The following LMAN1L variants were observed in gnomAD, a reference collection of about 807,000 sequenced individuals.
The protein encoded by LMAN1L is lectin, mannose binding 1 like, also known as protein ERGIC-53-like.
In LMAN1L, 60 loss-of-function variants were observed where a neutral mutation model predicts 58.3. That is an observed-to-expected ratio of 1.03 (90% CI 0.84 to 1.27). The LOEUF (loss-of-function observed/expected upper bound fraction) is 1.27. Among genes scored for constraint, LMAN1L ranks in the 50% most tolerant of loss-of-function variants. The pLI is 0.00. For synonymous variants in LMAN1L, 280 were observed against 271.6 expected, an observed-to-expected ratio of 1.03 and a Z score of -0.31; for missense variants, 629 against 674.0, an observed-to-expected ratio of 0.93 and a Z score of 0.74.
chr15:74,817,633 G>A (rs16972853), intron 4 of LMAN1L, among the ~76,000 whole-genome samples: 3,385 of 152,342 alleles, frequency 0.022, 59 homozygotes, highest in East Asian at 0.069. Flanking sequence ...CAGGTCATCC[G>A]TCCTGAGTCA....
rs549239487 is a variant in LMAN1L, at chr15:74,824,894, G to C, written c.1451+416G>C. 9 of 164,056 alleles carry C rather than the reference G, an allele frequency of 5.5e-5. No individual in the cohort carries two copies. In the East Asian group the frequency reaches 1.6e-3, roughly 29 times the overall value. The allele number at this position is 164,056 out of a possible 1,614,324, so 10.2% of individuals were successfully genotyped here. A position where few individuals can be genotyped will look rare whatever the true frequency, so the allele number is the denominator to read the frequency against. On this transcript the variant is annotated intron_variant, in intron 13 of 13. Transcript: ENST00000309664. Reference sequence around the variant, plus strand: ...ATAGGTAAAGGCATAGAGGCAGAGGGAACAGCATGAGAAAAGGCAGGGAGG... The same window carrying C: ...ATAGGTAAAGGCATAGAGGCAGAGGCAACAGCATGAGAAAAGGCAGGGAGG...
chr15:74,818,449 C>A (rs915139817), intron 4 of LMAN1L, among the ~76,000 whole-genome samples: 4 of 152,160 alleles, frequency 2.6e-5, no homozygotes, highest in African/African-American at 9.7e-5. Flanking sequence ...AATCCCAGCA[C>A]TTTGGCAGCC....
At position 74,812,990 on chromosome 15, in the gene LMAN1L, T is replaced by C. The variant is rs2063872444; in HGVS notation, c.136T>C (p.Leu46=). The part of the protein sequence containing the change: ...KLSFKGPRLA[L]PGAGIPFWSH... ...CAGCTTCAAAGGCCCAAGGCTGGCATTGCCTGGGGCTGGAATACCCTTCTG... is the reference window on the plus strand; with the variant it reads ...CAGCTTCAAAGGCCCAAGGCTGGCACTGCCTGGGGCTGGAATACCCTTCTG... Residue 46 remains leucine, a synonymous_variant, in exon 1 of 14, where the codon TTG becomes CTG. Transcript: ENST00000309664. The C allele has an allele frequency of 6.2e-7, 1 of 1,613,876 alleles. No individual in the cohort carries two copies. Among genetic ancestry groups the C allele is most frequent in the Admixed American group, 1.7e-5 (1 of 59,990 alleles).
At chr15:74,818,914 G>A (rs1431379969) in intron 5 of LMAN1L, 97 bp downstream of exon 5, 5 of 1,156,392 alleles carry the variant, frequency 4.3e-6, no homozygotes, top group Admixed American at 2.4e-5. Context: ...GTGACACCAC[G>A]TGAGGTCCCT....
intron 10 of LMAN1L, among the ~76,000 whole-genome samples, 188 bp from the exon 11 acceptor site, chr15:74,822,454 G>A (rs1054180366): frequency 2.6e-5 from 4 of 152,200 alleles, no homozygotes; most frequent in Admixed American, 6.5e-5. Context: ...GGAGAGGGGC[G>A]TGAGTGGAGG....
At chr15:74,821,040 C>T (rs763328345) in intron 8 of LMAN1L, 35 bp from the exon 9 acceptor site, 20 of 1,536,460 alleles carry the variant, frequency 1.3e-5, no homozygotes, top group Non-Finnish European at 1.8e-5. Flanking sequence ...CCCACCATGG[C>T]TGGCTGCCCA....
At chr15:74,825,181 G>T in intron 13 of LMAN1L, 1 of 249,094 alleles carries the variant, frequency 4.0e-6, no homozygotes, top group Non-Finnish European at 7.9e-6. Flanking sequence ...GATGGTCCTG[G>T]AGGAGGAGTA....
chr15:74,818,913 C>A, intron 5 of LMAN1L, 96 bp downstream of exon 5: 1 of 1,153,570 alleles, frequency 8.7e-7, no homozygotes, highest in Non-Finnish European at 1.2e-6. Flanking sequence ...TGTGACACCA[C>A]GTGAGGTCCC....
rs1270856991 is a variant in LMAN1L, at chr15:74,824,410, G to A, written c.1383G>A (p.Leu461=). The change falls in exon 13 of 14, where the codon CTG becomes CTA. Residue 461 remains leucine, a synonymous_variant. Transcript: ENST00000309664. ...AGCCCCCAAGGGCCTCCTCGTGCCT[G>A]CAGCCTGGCATCTTCCTGTTCTACC... ...PGQPPRASSC[L]QPGIFLFYLL... is the part of the protein sequence containing the mutation. The A allele has an allele frequency of 6.2e-7, 1 of 1,614,076 alleles. No individual in the cohort carries two copies. Among genetic ancestry groups the A allele is most frequent in the South Asian group, 1.1e-5 (1 of 91,082 alleles).
At chr15:74,820,385 G>C in intron 7 of LMAN1L, 1 of 624,656 alleles carries the variant, frequency 1.6e-6, no homozygotes, top group Non-Finnish European at 2.8e-6. Context: ...AACCAGCCAG[G>C]GGGTCAAGGA....
chr15:74,814,285 C>T (rs149009733), intron 1 of LMAN1L, among the ~76,000 whole-genome samples: 1 of 150,974 alleles, frequency 6.6e-6, no homozygotes, highest in African/African-American at 2.4e-5. Flanking sequence ...CCTTCACCTC[C>T]CAGATTCAAG....
At chr15:74,818,014 GA>G (rs368241559) in intron 4 of LMAN1L, among the ~76,000 whole-genome samples, 69 of 126,984 alleles carry the variant, frequency 5.4e-4, no homozygotes, top group Middle Eastern at 4.0e-3. Context: ...CTCCGTCTCA[GA>G]AAAAAAAAAA....
intron 1 of LMAN1L, 96 bp from the exon 2 acceptor site, chr15:74,816,061 C>T: frequency 7.0e-7 from 1 of 1,427,020 alleles, no homozygotes; most frequent in Non-Finnish European, 9.3e-7. Context: ...GGCATTGTCG[C>T]CTTCTCTTCC....
At position 74,821,174 on chromosome 15, in the gene LMAN1L, A is replaced by G. The variant is rs1241044992; in HGVS notation, c.1007A>G (p.Gln336Arg). 4 of 1,551,952 alleles carry G rather than the reference A, an allele frequency of 2.6e-6. No individual in the cohort carries two copies. The highest frequency in any genetic ancestry group is 1.2e-5 in the South Asian group (1 of 84,120). The change falls in exon 9 of 14, where the codon CAA (glutamine) becomes CGA (arginine). Residue 336 changes from glutamine (Q) to arginine (R), a missense_variant. Gln to Arg is a conservative substitution (Grantham distance 43). Transcript: ENST00000309664. ...AAGCAGCTGGCCCAGGCTGAGAGAC[A>G]ATGGAAGAAGCAGCTGGGGCCCCCA... ...LSKQLAQAERQWKKQLGPPGQ... is the reference protein window; with the variant it reads ...LSKQLAQAERRWKKQLGPPGQ...
intron 4 of LMAN1L, among the ~76,000 whole-genome samples, chr15:74,818,286 C>G (rs1171035786): frequency 2.0e-5 from 3 of 152,258 alleles, no homozygotes; most frequent in East Asian, 3.9e-4. Context: ...GGTACATGTC[C>G]CATGCCAGCT....
intron 1 of LMAN1L, among the ~76,000 whole-genome samples, chr15:74,814,589 G>A (rs938506348): frequency 1.3e-5 from 2 of 152,122 alleles, no homozygotes; most frequent in African/African-American, 4.8e-5. Context: ...TAGCCAGGAT[G>A]GTTTCGATCT....
At chr15:74,815,368 G>A (rs1414306858) in intron 1 of LMAN1L, among the ~76,000 whole-genome samples, 2 of 152,200 alleles carry the variant, frequency 1.3e-5, no homozygotes, top group Non-Finnish European at 2.9e-5. Flanking sequence ...GTTGGAGGGT[G>A]GGGAGCGAGC....
chr15:74,824,981 G>A (rs2063934571), intron 13 of LMAN1L: 1 of 159,328 alleles, frequency 6.3e-6, no homozygotes, highest in Non-Finnish European at 1.4e-5. Context: ...GGAGCAAAGG[G>A]CAGGACGAGT....
At chr15:74,816,053 C>T (rs1352852953) in intron 1 of LMAN1L, 104 bp from the exon 2 acceptor site, 8 of 1,363,590 alleles carry the variant, frequency 5.9e-6, no homozygotes, top group Non-Finnish European at 7.9e-6. Flanking sequence ...TAGGCCTTGG[C>T]ATTGTCGCCT....
Sources: gnomAD v4.1 joint callset for allele counts (sites outside exome capture counted in the v4.1 genomes callset) on GRCh38, gnomAD v4.1.1 for gene constraint, MANE v1.5 for transcripts, NCBI Gene and HGNC (gene_info 2026-07-23, HGNC 2026-07-21) for gene names.